VPS13B: variants seen among roughly 807,000 people sequenced by gnomAD.
VPS13B encodes intermembrane lipid transfer protein VPS13B.
VPS13B carries 285 observed loss-of-function variants against 426.4 expected under a neutral mutation model. The observed-to-expected ratio is 0.67, with a 90% CI of 0.61 to 0.74. VPS13B has a LOEUF of 0.74. Ranked by LOEUF, VPS13B falls within the 30% of genes least tolerant of loss-of-function variation. The pLI is 0.00. For missense variants in VPS13B, 4,537 were observed against 4,782.6 expected, an observed-to-expected ratio of 0.95 and a Z score of 1.51; for synonymous variants, 1,676 against 1,676.4, an observed-to-expected ratio of 1.00 and a Z score of 0.01.
intron 31 of VPS13B, among the ~76,000 whole-genome samples, chr8:99,574,312 C>T (rs1825653726): frequency 6.6e-6 from 1 of 152,144 alleles, no homozygotes. Flanking sequence ...TGCCTGATTG[C>T]CCTGGCCAGA....
chr8:99,262,044 G>A (rs1022867134), intron 17 of VPS13B, among the ~76,000 whole-genome samples: 1 of 152,124 alleles, frequency 6.6e-6, no homozygotes, highest in Admixed American at 6.5e-5. Flanking sequence ...TCCTTTTGCT[G>A]GTGATTACAG....
chr8:99,138,448 G>T (rs1810204807), intron 12 of VPS13B, among the ~76,000 whole-genome samples: 1 of 152,130 alleles, frequency 6.6e-6, no homozygotes, highest in Admixed American at 6.5e-5. Flanking sequence ...CTTTCTTACT[G>T]GTCTTCCTGC....
chr8:99,267,192 T>C (rs1031018418), intron 17 of VPS13B, among the ~76,000 whole-genome samples: 6 of 152,194 alleles, frequency 3.9e-5, no homozygotes, highest in African/African-American at 7.2e-5. Flanking sequence ...GACAATGAAG[T>C]CTGGGTTGAG....
intron 31 of VPS13B, 66 bp from the exon 32 acceptor site, chr8:99,575,592 C>A (rs1825739166): frequency 1.1e-5 from 17 of 1,599,980 alleles, no homozygotes; most frequent in Non-Finnish European, 1.5e-5. Flanking sequence ...AAGACTTGTA[C>A]AAATTTAATG....
chr8:99,633,806 G>GGTGTGTGTGTGTGTGTGTGTGTGTGTGT (rs139474452), intron 33 of VPS13B, among the ~76,000 whole-genome samples: 2 of 143,874 alleles, frequency 1.4e-5, no homozygotes, highest in African/African-American at 2.6e-5. Context: ...GAATGTGTCA[G>GGTGTGTGTGTGTGTGTGTGTGTGTGTGT]GTGTGTGTGT....
At chr8:99,304,951 A>G (rs1173031952) in intron 19 of VPS13B, among the ~76,000 whole-genome samples, 2 of 152,040 alleles carry the variant, frequency 1.3e-5, no homozygotes, top group Non-Finnish European at 2.9e-5. Context: ...TGGTATTTTC[A>G]TGTGCATATC....
At chr8:99,818,676 C>T in intron 46 of VPS13B, 37 bp from the exon 47 acceptor site, 1 of 1,611,900 alleles carries the variant, frequency 6.2e-7, no homozygotes, top group Non-Finnish European at 8.5e-7. Flanking sequence ...TGCAACAAAG[C>T]AAATATGAAA....
chr8:99,485,036 C>A (rs1300839442), intron 25 of VPS13B, among the ~76,000 whole-genome samples: 1 of 152,132 alleles, frequency 6.6e-6, no homozygotes, highest in Admixed American at 6.5e-5. Flanking sequence ...ATGTTCCCAG[C>A]TCTTGTAAAG....
At chr8:99,791,733 A>AG (rs1221945884) in intron 43 of VPS13B, among the ~76,000 whole-genome samples, 1 of 151,566 alleles carries the variant, frequency 6.6e-6, no homozygotes, top group Admixed American at 6.6e-5. Context: ...AAAAAAAAAA[A>AG]AAAAAAAAAA....
intron 54 of VPS13B, among the ~76,000 whole-genome samples, chr8:99,845,161 T>TACTTCTA (rs1815916024): frequency 6.6e-6 from 1 of 152,230 alleles, no homozygotes; most frequent in South Asian, 2.1e-4. Context: ...GCTAGAACAC[T>TACTTCTA]ACTTCTATCA....
At chr8:99,211,605 CG>C (rs1290369208) in intron 17 of VPS13B, among the ~76,000 whole-genome samples, 1 of 151,950 alleles carries the variant, frequency 6.6e-6, no homozygotes, top group Non-Finnish European at 1.5e-5. Flanking sequence ...CTGGAAACCC[CG>C]TTTCTACTAA....
intron 12 of VPS13B, among the ~76,000 whole-genome samples, chr8:99,141,773 G>C (rs1810434826): frequency 6.6e-6 from 1 of 151,680 alleles, no homozygotes; most frequent in African/African-American, 2.4e-5. Flanking sequence ...GGCCAGGCGT[G>C]GTGGCTCACT....
At chr8:99,333,940 T>C (rs892407564) in intron 19 of VPS13B, among the ~76,000 whole-genome samples, 1 of 151,996 alleles carries the variant, frequency 6.6e-6, no homozygotes, top group East Asian at 1.9e-4. Flanking sequence ...ATTGTATGGA[T>C]ACAGTACAGT....
intron 14 of VPS13B, 109 bp downstream of exon 14, chr8:99,148,119 T>A (rs1810846458): frequency 2.4e-6 from 3 of 1,241,342 alleles, no homozygotes; most frequent in Non-Finnish European, 3.4e-6. Context: ...GGCTTGAGTG[T>A]GTAATCCTGG....
chr8:99,074,983 G>C (rs1198638038), intron 3 of VPS13B, among the ~76,000 whole-genome samples: 1 of 152,056 alleles, frequency 6.6e-6, no homozygotes, highest in Non-Finnish European at 1.5e-5. Context: ...TTTGGTGTTA[G>C]AGTAATCCTG....
chr8:99,823,925 C>A lies in VPS13B; in HGVS notation c.9277C>A (p.Gln3093Lys). 6.2e-7 allele frequency: 1 copy of A among 1,613,306 alleles called. No homozygotes were observed. The highest frequency in any genetic ancestry group is 8.5e-7 in the Non-Finnish European group (1 of 1,179,776). ...TACAATAATCAATAATACACCATAT[C>A]AAATATTTTATAAACCACAGCTATC... The part of the protein sequence containing the change: ...KTTIINNTPY[Q>K]IFYKPQLSVC... The change falls in exon 51 of 62, where the codon CAA becomes AAA. Residue 3093 changes from glutamine to lysine, a missense_variant. Physicochemically the swap from Gln to Lys is moderately conservative, Grantham distance 53 (BLOSUM62 1). Coordinates refer to ENST00000357162, the MANE Select transcript of VPS13B (RefSeq NM_152564.5).
chr8:99,864,830 G>C (rs551509500), intron 58 of VPS13B, among the ~76,000 whole-genome samples: 2 of 152,260 alleles, frequency 1.3e-5, no homozygotes, highest in South Asian at 2.1e-4. Context: ...CAGGAGCCTG[G>C]GCCTTTCCAC....
At chr8:99,029,225 C>T (rs1349992142) in intron 2 of VPS13B, among the ~76,000 whole-genome samples, 1 of 150,336 alleles carries the variant, frequency 6.7e-6, no homozygotes, top group Admixed American at 6.6e-5. Context: ...GGGATGGCGG[C>T]GGGGAAGAGG....
intron 13 of VPS13B, 96 bp downstream of exon 13, chr8:99,143,261 T>A (rs900961946): frequency 1.6e-5 from 24 of 1,524,628 alleles, no homozygotes; most frequent in Non-Finnish European, 2.2e-5. Flanking sequence ...ACGTTTTTAG[T>A]GTAATTTGCC....
Sources: allele counts gnomAD v4.1 joint callset (sites outside exome capture counted in the v4.1 genomes callset), GRCh38; gene constraint gnomAD v4.1.1; transcripts MANE v1.5; gene names NCBI Gene and HGNC (gene_info 2026-07-23, HGNC 2026-07-21).